UCK2: variants seen among roughly 807,000 people sequenced by gnomAD.
UCK2 encodes cytidine monophosphokinase 2.
UCK2 carries 6 observed loss-of-function variants against 30.8 expected under a neutral mutation model. That is an observed-to-expected ratio of 0.19 (90% CI 0.11 to 0.38). The LOEUF is 0.38. UCK2 is among the 10% of genes least tolerant of loss of function. The pLI, the probability that UCK2 is intolerant of heterozygous loss-of-function variation, is 1.00. For missense variants in UCK2, 210 were observed against 339.8 expected (o/e 0.62, Z 3.00); for synonymous variants, 125 against 133.6 (o/e 0.94, Z 0.45).
intron 1 of UCK2, among the ~76,000 whole-genome samples, chr1:165,887,321 A>G (rs1357816277): frequency 6.6e-6 from 1 of 152,108 alleles, no homozygotes; most frequent in African/African-American, 2.4e-5. Context: ...AAGGGTTGGG[A>G]TGAGCGCTGA....
Position 165,910,283 on chromosome 1 carries a change from G to C in UCK2, c.*2460G>C, listed in dbSNP as rs954538801. 6.6e-6 allele frequency: 1 copy of C among 152,240 alleles called. No individual in the cohort carries two copies. Among genetic ancestry groups the C allele is most frequent in the Non-Finnish European group, 1.5e-5 (1 of 68,056 alleles). 9.4% of individuals were successfully genotyped at this position (152,240 alleles called of 1,614,324 possible). A position where few individuals can be genotyped will look rare whatever the true frequency, so the allele number is the denominator to read the frequency against. On this transcript the variant is annotated 3_prime_UTR_variant, in exon 7 of 7. Coordinates refer to ENST00000367879, the MANE Select transcript of UCK2 (RefSeq NM_012474.5). ...AAACAATGGTCTTAGTTTTTTAAGA[G>C]CCTCTGGGTCTCTGATTCCATGGAG...
chr1:165,837,131 C>G (rs915858442), intron 1 of UCK2, among the ~76,000 whole-genome samples: 1 of 152,194 alleles, frequency 6.6e-6, no homozygotes, highest in Non-Finnish European at 1.5e-5. Flanking sequence ...CCATCAGGCC[C>G]CACTTCCCAA....
chr1:165,889,688 CTTTT>C (rs57710760), intron 1 of UCK2, among the ~76,000 whole-genome samples: 1 of 129,666 alleles, frequency 7.7e-6, no homozygotes, highest in Non-Finnish European at 1.6e-5. Context: ...CTCCGTTAGC[CTTTT>C]TTTTTTTTTT....
intron 3 of UCK2, chr1:165,895,578 G>T: frequency 1.0e-6 from 1 of 985,542 alleles, no homozygotes; most frequent in East Asian, 1.1e-4. Flanking sequence ...CCACTTTGTT[G>T]GTTTGGGGTA....
At chr1:165,877,103 A>T (rs773982151) in intron 1 of UCK2, among the ~76,000 whole-genome samples, 1 of 151,636 alleles carries the variant, frequency 6.6e-6, no homozygotes, top group Non-Finnish European at 1.5e-5. Context: ...TGGTCCACTG[A>T]CCCCCCCAAA....
chr1:165,909,699 A>AGATCAGTTCAG lies in UCK2; in HGVS notation c.*1882_*1892dup, dbSNP rs1647789127. The AGATCAGTTCAG allele has an allele frequency of 6.6e-6, 1 of 152,290 alleles. No individual in the cohort carries two copies. Among genetic ancestry groups the AGATCAGTTCAG allele is most frequent in the African/African-American group, 2.4e-5 (1 of 41,472 alleles). 9.4% of individuals were successfully genotyped at this position (152,290 alleles called of 1,614,324 possible). A position where few individuals can be genotyped will look rare whatever the true frequency, so the allele number is the denominator to read the frequency against. ...CTCCTTTGAAAGCCGGTGCTCACCA[A>AGATCAGTTCAG]GATCAGTTCAGGATCAATCATTATC... On this transcript the variant is annotated 3_prime_UTR_variant, in exon 7 of 7. Transcript: ENST00000367879.
chr1:165,832,258 A>G (rs796828901), intron 1 of UCK2, among the ~76,000 whole-genome samples: 3 of 152,284 alleles, frequency 2.0e-5, no homozygotes, highest in African/African-American at 7.2e-5. Context: ...TTCTGCTTCC[A>G]TAGACTTACC....
intron 1 of UCK2, among the ~76,000 whole-genome samples, chr1:165,873,281 C>A (rs752328308): frequency 5.3e-5 from 8 of 152,180 alleles, no homozygotes; most frequent in African/African-American, 1.7e-4. Flanking sequence ...ATTGAATAGA[C>A]TTCACCCCTC....
intron 1 of UCK2, among the ~76,000 whole-genome samples, chr1:165,851,765 G>A (rs1654603462): frequency 1.3e-5 from 2 of 152,006 alleles, no homozygotes; most frequent in Admixed American, 6.6e-5. Flanking sequence ...CCCCCAGCAG[G>A]CCCTGGTGTG....
intron 1 of UCK2, among the ~76,000 whole-genome samples, chr1:165,837,404 G>C (rs1237173785): frequency 6.6e-6 from 1 of 152,106 alleles, no homozygotes; most frequent in Non-Finnish European, 1.5e-5. Flanking sequence ...AGCTTTCTTT[G>C]GTGGGGTTCT....
intron 3 of UCK2, chr1:165,891,559 A>G (rs778708973): frequency 1.4e-4 from 62 of 453,864 alleles, no homozygotes; most frequent in Admixed American, 1.1e-3. Flanking sequence ...CGATTCCTTA[A>G]CTCTGAAGGA....
chr1:165,847,714 A>G (rs1367873174), intron 1 of UCK2, among the ~76,000 whole-genome samples: 1 of 151,882 alleles, frequency 6.6e-6, no homozygotes, highest in East Asian at 1.9e-4. Flanking sequence ...CCTGACCTCA[A>G]GCGATCCTCC....
In UCK2 at chr1:165,827,626, A is replaced by C. The variant is rs1653916399; in HGVS notation, c.-208A>C. ...CTCTGCCTGGGATGTAAACCGGACC[A>C]GCCGCTGCGGGCAAAGGAAGGCTCT... On this transcript the variant is annotated 5_prime_UTR_variant, in exon 1 of 7. Transcript: ENST00000367879. 5.2e-6 allele frequency: 2 copies of C among 385,496 alleles called. No individual in the cohort carries two copies. The highest frequency in any genetic ancestry group is 4.5e-6 in the Non-Finnish European group (1 of 220,082). 23.9% of individuals were successfully genotyped at this position (385,496 alleles called of 1,614,324 possible). A position where few individuals can be genotyped will look rare whatever the true frequency, so the allele number is the denominator to read the frequency against.
rs1379090819 is a variant in UCK2 at position 165,911,358 on chromosome 1, CTG to C, written c.*3536_*3537del. ...CTCAGTCCCCTTTAATCTTTTGTCT[CTG>C]GGCGTTCTGCTGCCTTCCTCATACC... On this transcript the variant is annotated 3_prime_UTR_variant, in exon 7 of 7. Transcript: ENST00000367879. 3 of 152,234 alleles carry C rather than the reference CTG, an allele frequency of 2.0e-5. No homozygotes were observed. Among genetic ancestry groups the C allele is most frequent in the African/African-American group, 7.2e-5 (3 of 41,446 alleles). 9.4% of individuals were successfully genotyped at this position (152,234 alleles called of 1,614,324 possible).
chr1:165,827,958 C>A (rs1396205829), intron 1 of UCK2, 26 bp downstream of exon 1: 4 of 1,304,434 alleles, frequency 3.1e-6, no homozygotes, highest in Non-Finnish European at 3.9e-6. Flanking sequence ...GAGCCGCGCT[C>A]CCTTCCCGGC....
Position 165,827,656 on chromosome 1 carries a change from T to A in UCK2, c.-178T>A. ...CTGCGGGCAAAGGAAGGCTCTTGGC[T>A]CCTTCGGGAAACCCAGCCCCGTCAC... On this transcript the variant is annotated 5_prime_UTR_variant, in exon 1 of 7. Transcript: ENST00000367879. 1 of 443,888 alleles carries A rather than the reference T, an allele frequency of 2.3e-6. No individual in the cohort carries two copies. Among genetic ancestry groups the A allele is most frequent in the Non-Finnish European group, 3.7e-6 (1 of 268,068 alleles). The allele number at this position is 443,888 out of a possible 1,614,324, so 27.5% of individuals were successfully genotyped here. A position where few individuals can be genotyped will look rare whatever the true frequency, so the allele number is the denominator to read the frequency against.
At chr1:165,883,698 A>G (rs377693902) in intron 1 of UCK2, among the ~76,000 whole-genome samples, 4 of 152,284 alleles carry the variant, frequency 2.6e-5, no homozygotes, top group African/African-American at 9.6e-5. Context: ...CTCTGGGGCC[A>G]TGCATGACTT....
At chr1:165,880,566 G>GGTGT (rs869079437) in intron 1 of UCK2, among the ~76,000 whole-genome samples, 3 of 19,310 alleles carry the variant, frequency 1.6e-4, no homozygotes, top group Non-Finnish European at 4.2e-4. Context: ...TTTTTTTGGG[G>GGTGT]GTGTGTGTGT....
chr1:165,866,130 G>T (rs1232699421), intron 1 of UCK2, among the ~76,000 whole-genome samples: 1 of 152,190 alleles, frequency 6.6e-6, no homozygotes, highest in Non-Finnish European at 1.5e-5. Context: ...TGGGAGACTG[G>T]AGTATAGGCT....
Sources: gnomAD v4.1 joint callset for allele counts (sites outside exome capture counted in the v4.1 genomes callset) on GRCh38, gnomAD v4.1.1 for gene constraint, MANE v1.5 for transcripts, NCBI Gene and HGNC (gene_info 2026-07-23, HGNC 2026-07-21) for gene names.